The following PIMREG variants were observed in gnomAD, a reference collection of about 807,000 sequenced individuals.
PIMREG encodes the protein protein PIMREG.
A neutral mutation model predicts 24.3 loss-of-function variants in PIMREG; 19 were observed. The observed-to-expected ratio is 0.78, with a 90% CI of 0.54 to 1.15. The LOEUF is 1.15. Ranked by LOEUF, PIMREG falls within the 50% of genes most tolerant of loss-of-function variation. The probability of loss-of-function intolerance (pLI) is 0.00; values close to 1 mark genes in which losing one functional copy is unlikely to be tolerated. For missense variants in PIMREG, 283 were observed against 306.8 expected, an observed-to-expected ratio of 0.92 and a Z score of 0.58; for synonymous variants, 112 against 124.1, an observed-to-expected ratio of 0.90 and a Z score of 0.65.
rs1913818976 is a variant in PIMREG, at chr17:6,451,242, A to G, written c.*895A>G. On this transcript the variant is annotated 3_prime_UTR_variant, in exon 6 of 6. Coordinates refer to ENST00000572447, the MANE Select transcript of PIMREG (RefSeq NM_019013.3). The stretch of plus-strand genomic sequence containing the variant: ...TAGAAAGGGAAAGGTTTCTCAACTT[A>G]GTTCAGACCAAAACACATTGTAAAG... The G allele has an allele frequency of 6.6e-6, 1 of 152,238 alleles. No individual in the cohort carries two copies. Among genetic ancestry groups the G allele is most frequent in the Non-Finnish European group, 1.5e-5 (1 of 68,044 alleles). 9.4% of individuals were successfully genotyped at this position (152,238 alleles called of 1,614,324 possible).
intron 5 of PIMREG, 83 bp from the exon 6 acceptor site, chr17:6,450,279 C>T (rs1422449199): frequency 1.5e-6 from 2 of 1,319,140 alleles, no homozygotes; most frequent in Non-Finnish European, 2.1e-6. Context: ...CCTTCCAGCA[C>T]CCCCCACCCC....
At chr17:6,450,108 C>T (rs1341898773) in intron 5 of PIMREG, 36 bp downstream of exon 5, 3 of 1,602,928 alleles carry the variant, frequency 1.9e-6, no homozygotes, top group Non-Finnish European at 2.6e-6. Context: ...TCTCACTGTC[C>T]TTCTCCTCCA....
Position 6,445,508 on chromosome 17 carries a change from G to C in PIMREG, c.294+104G>C, listed in dbSNP as rs894684063. ...AAGAATATAGACTTCATGAAAACAG[G>C]GACGTTGGTTAGTTCACTGCTGTTT... On this transcript the variant is annotated intron_variant, in intron 2 of 5. Transcript: ENST00000572447. 3 of 1,290,004 alleles carry C rather than the reference G, an allele frequency of 2.3e-6. No homozygotes were observed. In the African/African-American group the frequency reaches 4.5e-5, roughly 19 times the overall value. 79.9% of individuals were successfully genotyped at this position (1,290,004 alleles called of 1,614,324 possible). A position where few individuals can be genotyped will look rare whatever the true frequency, so the allele number is the denominator to read the frequency against.
In PIMREG at chr17:6,448,282, C is replaced by CA. The variant is rs71154695; in HGVS notation, c.590+544dup. 2.1e-3 allele frequency among the ~76,000 whole-genome samples: 86 copies of CA among 41,300 alleles called. 3 individuals are homozygous for CA. Among genetic ancestry groups the CA allele is most frequent in the South Asian group, 9.4e-3 (7 of 742 alleles). The allele number at this position is 41,300 out of a possible 152,430, so 27.1% of individuals were successfully genotyped here. ...AGGGCCACAGAGCCAGACCCTGTCT[C>CA]AAAAAAAAAAAAAAAAAAAAGAGAG... On this transcript the variant is annotated intron_variant, in intron 3 of 5. Transcript: ENST00000572447.
intron 2 of PIMREG, chr17:6,446,254 C>G: frequency 2.5e-6 from 1 of 400,484 alleles, no homozygotes; most frequent in Non-Finnish European, 4.4e-6. Flanking sequence ...AGACGTGTCA[C>G]TTAGAAAGGA....
chr17:6,445,275 C>T lies in PIMREG; in HGVS notation c.165C>T (p.Pro55=). ...SLCRQFQRRL[P]LRAVNLNLRA... ...GCAGACAGTTCCAAAGGAGGCTGCC[C>T]CTGAGAGCCGTCAACCTCAACCTCC... is the stretch of plus-strand genomic sequence containing the variant. Residue 55 remains proline, a synonymous_variant, in exon 2 of 6, where the codon CCC becomes CCT. Transcript: ENST00000572447. 23 of 1,613,926 alleles carry T rather than the reference C, an allele frequency of 1.4e-5. No homozygotes were observed. The highest frequency in any genetic ancestry group is 1.9e-5 in the Non-Finnish European group (22 of 1,179,972).
intron 4 of PIMREG, 151 bp downstream of exon 4, chr17:6,449,558 T>C: frequency 1.9e-6 from 2 of 1,034,620 alleles, no homozygotes; most frequent in Non-Finnish European, 1.4e-6. Context: ...ATCTCAAACA[T>C]GAGAAAGGAC....
intron 5 of PIMREG, 92 bp downstream of exon 5, chr17:6,450,164 GC>G: frequency 7.3e-7 from 1 of 1,376,160 alleles, no homozygotes; most frequent in Non-Finnish European, 1.0e-6. Flanking sequence ...GAGCTGATGG[GC>G]ACAGCAGAGT....
intron 4 of PIMREG, chr17:6,449,676 G>A (rs1367274186): frequency 1.4e-6 from 2 of 1,384,482 alleles, no homozygotes; most frequent in African/African-American, 1.5e-5. Context: ...CGTGTGGCTG[G>A]TTCCTGAAAA....
At chr17:6,448,282 C>CAAAAAAAAAAAAAAAAAAAAAAAA (rs71154695) in intron 3 of PIMREG, among the ~76,000 whole-genome samples, 3 of 41,306 alleles carry the variant, frequency 7.3e-5, no homozygotes, top group African/African-American at 9.5e-5. Context: ...GACCCTGTCT[C>CAAAAAAAAAAAAAAAAAAAAAAAA]AAAAAAAAAA....
chr17:6,445,949 C>T, intron 2 of PIMREG: 1 of 397,290 alleles, frequency 2.5e-6, no homozygotes, highest in Non-Finnish European at 4.4e-6. Context: ...TAGAACTCTC[C>T]CAGGAATGAT....
Position 6,444,989 on chromosome 17 carries a change from C to A in PIMREG, c.-35-87C>A. 2 of 1,118,882 alleles carry A rather than the reference C, an allele frequency of 1.8e-6. No homozygotes were observed. The highest frequency in any genetic ancestry group is 4.1e-5 in the South Asian group (2 of 48,840). 69.3% of individuals were successfully genotyped at this position (1,118,882 alleles called of 1,614,324 possible). A position where few individuals can be genotyped will look rare whatever the true frequency, so the allele number is the denominator to read the frequency against. On this transcript the variant is annotated intron_variant, in intron 1 of 5. Transcript: ENST00000572447. The surrounding 1 kb of genome is among the most constrained non-coding windows in gnomAD (Gnocchi z 4.3). ...CCCCCGCCACCCCGCTGCATCCCGT[C>A]TCTTCCCCTGTGTCCAGGGTCTCTG...
In PIMREG at chr17:6,451,084, G is replaced by C. The variant is rs796645662; in HGVS notation, c.*737G>C. 1 of 152,008 alleles carries C rather than the reference G, an allele frequency of 6.6e-6. No individual in the cohort carries two copies. The highest frequency in any genetic ancestry group is 2.4e-5 in the African/African-American group (1 of 41,336). 9.4% of individuals were successfully genotyped at this position (152,008 alleles called of 1,614,324 possible). A position where few individuals can be genotyped will look rare whatever the true frequency, so the allele number is the denominator to read the frequency against. ...CATTTGACATCTGTTCCCTTTCACC[G>C]GCAACCTCCAACCTCCCCCGCCCTC... On this transcript the variant is annotated 3_prime_UTR_variant, in exon 6 of 6. Transcript: ENST00000572447.
chr17:6,445,148 G>A lies in PIMREG; in HGVS notation c.38G>A (p.Arg13His), dbSNP rs374481767. ...SRWQNMGTSV[R>H]RRSLQHQEQL... ...TGGCAGAACATGGGGACCTCCGTGCGCCGGAGATCTCTCCAGCACCAGGAG... is the reference window on the plus strand; with the variant it reads ...TGGCAGAACATGGGGACCTCCGTGCACCGGAGATCTCTCCAGCACCAGGAG... The change falls in exon 2 of 6, where the codon CGC (arginine) becomes CAC (histidine). Residue 13 changes from arginine to histidine, a missense_variant. Transcript: ENST00000572447. The A allele has an allele frequency of 3.7e-6, 6 of 1,609,004 alleles. No individual in the cohort carries two copies. The highest frequency in any genetic ancestry group is 4.5e-5 in the East Asian group (2 of 44,736).
intron 5 of PIMREG, 72 bp from the exon 6 acceptor site, chr17:6,450,290 G>C (rs377350020): frequency 7.2e-7 from 1 of 1,385,658 alleles, no homozygotes; most frequent in Non-Finnish European, 9.8e-7. Context: ...CCCCCACCCC[G>C]CAGTGAGCAG....
Position 6,450,376 on chromosome 17 carries a change from C to G in PIMREG, c.*29C>G, listed in dbSNP as rs970644003. On this transcript the variant is annotated 3_prime_UTR_variant, in exon 6 of 6. Transcript: ENST00000572447. Reference sequence around the variant, plus strand: ...CTGTCTTGAAGGAAACAAGCCCTGTCTGACCGCCAAGGCTTCATACTCAAG... The same window carrying G: ...CTGTCTTGAAGGAAACAAGCCCTGTGTGACCGCCAAGGCTTCATACTCAAG... 37 of 1,565,012 alleles carry G rather than the reference C, an allele frequency of 2.4e-5. 2 individuals carry two copies. Among genetic ancestry groups the G allele is most frequent in the Non-Finnish European group, 2.6e-6 (3 of 1,162,842 alleles).
chr17:6,449,631 T>G, intron 4 of PIMREG: 1 of 1,296,866 alleles, frequency 7.7e-7, no homozygotes, highest in South Asian at 1.9e-5. Flanking sequence ...TTCTGGGCCT[T>G]GGGACCCCAT....
At chr17:6,447,327 G>T (rs1597350025) in intron 2 of PIMREG, 136 bp from the exon 3 acceptor site, 1 of 925,042 alleles carries the variant, frequency 1.1e-6, no homozygotes, top group Non-Finnish European at 1.7e-6. Context: ...TGTTGGCCAG[G>T]CTGGTCTCAA....
rs530764262 is a variant in PIMREG, at chr17:6,444,925, G to T, written c.-35-151G>T. Among the ~76,000 whole-genome samples, 11 of 152,196 alleles carry T rather than the reference G, an allele frequency of 7.2e-5. No individual in the cohort carries two copies. Among genetic ancestry groups the T allele is most frequent in the African/African-American group, 2.6e-4 (11 of 41,510 alleles). ...TGACCCGAGGCCCCTCTTCCAGGAA[G>T]CATCCTCCTTCCTGCACCCACACTT... On this transcript the variant is annotated intron_variant, in intron 1 of 5. Coordinates refer to ENST00000572447, the MANE Select transcript of PIMREG (RefSeq NM_019013.3). This position sits in a 1 kb window ranked among gnomAD's most constrained non-coding sequence, Gnocchi z 4.3.
Sources: allele counts gnomAD v4.1 joint callset (sites outside exome capture counted in the v4.1 genomes callset), GRCh38; gene constraint gnomAD v4.1.1; non-coding constraint Gnocchi (gnomAD v3.1); transcripts MANE v1.5; gene names NCBI Gene and HGNC (gene_info 2026-07-23, HGNC 2026-07-21).